FLII: variants seen among roughly 807,000 people sequenced by gnomAD.
FLII encodes the protein FLII actin remodeling protein.
FLII carries 101 observed loss-of-function variants against 156.2 expected under a neutral mutation model. That is an observed-to-expected ratio of 0.65 (90% CI 0.55 to 0.76). FLII has a LOEUF of 0.76. Ranked by LOEUF, FLII falls within the 30% of genes least tolerant of loss-of-function variation. FLII has a pLI of 0.00. For synonymous variants in FLII, 767 were observed against 685.8 expected (o/e 1.12, Z -1.85); for missense variants, 1,675 against 1,682.8 (o/e 1.00, Z 0.08).
rs2048144368 is a variant in FLII at position 18,248,037 on chromosome 17, G to A, written c.2191-4C>T. The A allele has an allele frequency of 1.2e-6, 2 of 1,604,788 alleles. No homozygotes were observed. The highest frequency in any genetic ancestry group is 1.7e-6 in the Non-Finnish European group (2 of 1,172,628). Reference sequence around the variant, plus strand: ...GGTAGCCCAAGCCCAGGCCCACCTGGCAGGAAGGATGAGCATGGCAGGGAA... The same window carrying A: ...GGTAGCCCAAGCCCAGGCCCACCTGACAGGAAGGATGAGCATGGCAGGGAA... On this transcript the variant is annotated splice_region_variant and splice_polypyrimidine_tract_variant and intron_variant, in intron 18 of 29. Transcript: ENST00000327031.
chr17:18,248,760 C>G, intron 17 of FLII, 39 bp from the exon 18 acceptor site: 1 of 1,613,938 alleles, frequency 6.2e-7, no homozygotes, highest in South Asian at 1.1e-5. Flanking sequence ...AGGCTCACAC[C>G]CCTTTCCTTC....
chr17:18,253,884 G>C (rs1332825553), intron 7 of FLII, 165 bp from the exon 8 acceptor site: 2 of 804,422 alleles, frequency 2.5e-6, no homozygotes, highest in Non-Finnish European at 3.8e-6. Flanking sequence ...CCCTCACATG[G>C]GGGTTGCGGG....
At position 18,244,885 on chromosome 17, in the gene FLII, C is replaced by T. The variant is rs2047969679; in HGVS notation, c.*253G>A. The T allele has an allele frequency of 8.4e-6, 4 of 478,026 alleles. No homozygotes were observed. In the South Asian group the frequency reaches 1.9e-4, roughly 22 times the overall value. 29.6% of individuals were successfully genotyped at this position (478,026 alleles called of 1,614,324 possible). On this transcript the variant is annotated 3_prime_UTR_variant, in exon 30 of 30. Transcript: ENST00000327031. ...TTTAATATCTCTTAAAGGGCATCCA[C>T]ATCTGCTTTATCCCTAGCGGAAGAG...
At chr17:18,254,469 C>G in intron 6 of FLII, 52 bp downstream of exon 6, 1 of 1,536,840 alleles carries the variant, frequency 6.5e-7, no homozygotes, top group Non-Finnish European at 8.7e-7. Flanking sequence ...AGGGGCCCGG[C>G]CAGACTCCTC....
Position 18,253,321 on chromosome 17 carries a change from C to A in FLII, c.993G>T (p.Leu331=). ...EFMAANNNLE[L]VPESLCRCPK... is the part of the protein sequence containing the mutation. ...AGCACCTGCAGAGACTTTCAGGGACCAGCTCCAGGTTGTTGTTGGCAGCCA... is the reference window on the plus strand; with the variant it reads ...AGCACCTGCAGAGACTTTCAGGGACAAGCTCCAGGTTGTTGTTGGCAGCCA... Residue 331 remains leucine (L), a synonymous_variant, in exon 9 of 30, where the codon CTG becomes CTT. Transcript: ENST00000327031. 5 of 1,613,906 alleles carry A rather than the reference C, an allele frequency of 3.1e-6. No individual in the cohort carries two copies. Among genetic ancestry groups the A allele is most frequent in the Non-Finnish European group, 4.2e-6 (5 of 1,180,038 alleles).
intron 21 of FLII, 27 bp downstream of exon 21, chr17:18,247,139 CCCG>C (rs1555560634): frequency 5.3e-5 from 69 of 1,305,602 alleles, no homozygotes; most frequent in African/African-American, 2.2e-4. Context: ...CACCCCCCCC[CCCG>C]CGCCCCGGTC....
At chr17:18,254,008 C>G in intron 7 of FLII, 71 bp downstream of exon 7, 2 of 1,207,948 alleles carry the variant, frequency 1.7e-6, no homozygotes, top group Non-Finnish European at 2.3e-6. Context: ...AGGGTTCAAC[C>G]CCTTCCACCC....
intron 1 of FLII, 168 bp from the exon 2 acceptor site, chr17:18,257,187 G>A (rs1397279000): frequency 5.5e-6 from 3 of 548,246 alleles, no homozygotes; most frequent in East Asian, 6.3e-5. Context: ...CCATAGAATG[G>A]GAATTTTAAG....
At chr17:18,251,602 T>G in intron 12 of FLII, 78 bp downstream of exon 12, 1 of 1,600,974 alleles carries the variant, frequency 6.2e-7, no homozygotes, top group Admixed American at 1.7e-5. Flanking sequence ...CCGTCCCTCT[T>G]GGCCAGGGTC....
rs11540887 is a variant in FLII, at chr17:18,254,082, C to T, written c.676G>A (p.Ala226Thr). 4.9e-5 allele frequency: 79 copies of T among 1,605,650 alleles called. 1 individual carries two copies. Among genetic ancestry groups the T allele is most frequent in the Non-Finnish European group, 6.4e-5 (75 of 1,175,118 alleles). Reference protein sequence around the residue: ...PTSLEGLSNLADVDLSCNDLT... With the variant: ...PTSLEGLSNLTDVDLSCNDLT... ...GGGGCTCCTGGGGCTGCCTGACCTG[C>T]GAGGTTGCTCAGACCCTCCAGGCTG... The change falls in exon 7 of 30, where the codon GCA (alanine) becomes ACA (threonine). Residue 226 changes from alanine (A) to threonine (T), a missense_variant. Ala to Thr is a moderately conservative substitution (Grantham distance 58). This residue lies in a region of FLII where 343 missense variants were observed against 413.5 expected (regional missense o/e 0.83). Transcript: ENST00000327031.
chr17:18,253,392 C>G lies in FLII; in HGVS notation c.922G>C (p.Gly308Arg). The G allele has an allele frequency of 2.5e-6, 4 of 1,613,882 alleles. No homozygotes were observed. Among genetic ancestry groups the G allele is most frequent in the Non-Finnish European group, 3.4e-6 (4 of 1,180,030 alleles). Residue 308 changes from glycine to arginine, a missense_variant, in exon 9 of 30, where the codon GGG becomes CGG. Physicochemically the swap from Gly to Arg is moderately radical, Grantham distance 125 (BLOSUM62 -2). Transcript: ENST00000327031. The stretch of plus-strand genomic sequence containing the variant: ...AGCTTGCCAATGCCTGAGGGCAGCC[C>G]GTCAAAGTCCAGCTTGTTGGAATTC... ...YLNSNKLDFD[G>R]LPSGIGKLTN...
intron 28 of FLII, 22 bp from the exon 29 acceptor site, chr17:18,245,441 T>TA (rs142904883): frequency 1.1e-5 from 17 of 1,613,680 alleles, no homozygotes; most frequent in African/African-American, 2.7e-5. Flanking sequence ...GCAGGGGAGA[T>TA]ACGGTTGCAT....
chr17:18,249,035 G>C, intron 16 of FLII, 92 bp downstream of exon 16: 1 of 1,385,606 alleles, frequency 7.2e-7, no homozygotes, highest in Non-Finnish European at 1.0e-6. Flanking sequence ...AATTGCTAGA[G>C]GGCCTCCTCT....
At position 18,247,308 on chromosome 17, in the gene FLII, T is replaced by C; in HGVS notation, c.2537A>G (p.Tyr846Cys). 1.2e-6 allele frequency: 2 copies of C among 1,610,784 alleles called. No homozygotes were observed. Among genetic ancestry groups the C allele is most frequent in the Non-Finnish European group, 1.7e-6 (2 of 1,179,130 alleles). The part of the protein sequence containing the change: ...KNWDDVLTVD[Y>C]TRNAEAVLQS... Reference sequence around the variant, plus strand: ...CAGCACGGCCTCCGCATTGCGTGTGTAGTCCACCGTCAACACATCGTCCCA... The same window carrying C: ...CAGCACGGCCTCCGCATTGCGTGTGCAGTCCACCGTCAACACATCGTCCCA... The change falls in exon 21 of 30, where the codon TAC becomes TGC. Residue 846 changes from tyrosine to cysteine, a missense_variant. Around this residue, in one of 2 missense-constraint regions of FLII, gnomAD observed 1,332 missense variants for 1,269.3 expected, o/e 1.05. Transcript: ENST00000327031.
chr17:18,250,808 T>C, intron 14 of FLII, 30 bp downstream of exon 14: 2 of 1,592,468 alleles, frequency 1.3e-6, no homozygotes, highest in Non-Finnish European at 1.7e-6. Context: ...AACCCCACTC[T>C]GCCCACCCCC....
chr17:18,253,266 C>T (rs199844000), intron 9 of FLII, 35 bp downstream of exon 9: 10 of 1,611,794 alleles, frequency 6.2e-6, no homozygotes, highest in African/African-American at 2.7e-5. Context: ...CTCTGTGCTG[C>T]AAGTGCCTCT....
upstream of FLII, chr17:18,258,783 C>T: frequency 2.4e-6 from 2 of 838,996 alleles, no homozygotes; most frequent in East Asian, 4.0e-5. The surrounding 1 kb of genome is among the most constrained non-coding windows in gnomAD (Gnocchi z 4.2). Flanking sequence ...GCCGGCCCCG[C>T]CCCTTTAACC....
rs1475910250 is a variant in FLII at position 18,253,621 on chromosome 17, C to G, written c.778G>C (p.Glu260Gln). ...CACTGGTCTATGCACAGGGACAGCTCCGTGATCTGGTTGCTGCTGAGGTTG... is the reference window on the plus strand; with the variant it reads ...CACTGGTCTATGCACAGGGACAGCTGCGTGATCTGGTTGCTGCTGAGGTTG... ...RLNLSSNQITELSLCIDQWVH... is the reference protein window; with the variant it reads ...RLNLSSNQITQLSLCIDQWVH... Residue 260 changes from glutamate (E) to glutamine (Q), a missense_variant, in exon 8 of 30, where the codon GAG becomes CAG. Glu to Gln is a conservative substitution (Grantham distance 29). Around this residue, in one of 2 missense-constraint regions of FLII, gnomAD observed 343 missense variants for 413.5 expected, o/e 0.83. Transcript: ENST00000327031. 1 of 1,613,978 alleles carries G rather than the reference C, an allele frequency of 6.2e-7. No individual in the cohort carries two copies. Among genetic ancestry groups the G allele is most frequent in the Non-Finnish European group, 8.5e-7 (1 of 1,180,038 alleles).
At chr17:18,245,498 T>TGTAA (rs529202291) in intron 28 of FLII, 57 bp downstream of exon 28, 43 of 1,611,298 alleles carry the variant, frequency 2.7e-5, no homozygotes, top group East Asian at 4.5e-5. Context: ...AATTCCCATT[T>TGTAA]GTAAGTAAGT....
Sources: gnomAD v4.1 joint callset for allele counts on GRCh38, gnomAD v4.1.1 for gene constraint, gnomAD v4.1.1 regional missense constraint, Gnocchi (gnomAD v3.1) non-coding constraint, MANE v1.5 for transcripts, NCBI Gene and HGNC (gene_info 2026-07-23, HGNC 2026-07-21) for gene names.